Variants in GRB10 observed in about 807,000 individuals in gnomAD.
GRB10 encodes the protein growth factor receptor bound protein 10.
GRB10 carries 20 observed loss-of-function variants against 80.9 expected under a neutral mutation model. That is an observed-to-expected ratio of 0.25 (90% confidence interval 0.17 to 0.36). GRB10 has a LOEUF of 0.36. Ranked by LOEUF, GRB10 falls within the 10% of genes least tolerant of loss-of-function variation. GRB10 has a pLI of 1.00. For missense variants in GRB10, 548 were observed against 747.7 expected, an observed-to-expected ratio of 0.73 and a Z score of 3.12; for synonymous variants, 291 against 291.5, an observed-to-expected ratio of 1.00 and a Z score of 0.02.
At chr7:50,723,742 G>A (rs2068127343) in intron 4 of GRB10, among the ~76,000 whole-genome samples, 1 of 152,198 alleles carries the variant, frequency 6.6e-6, no homozygotes, top group Admixed American at 6.5e-5. Context: ...GCGGTACTGG[G>A]ATTCAAACCT....
chr7:50,646,007 C>T (rs957610631), intron 7 of GRB10, among the ~76,000 whole-genome samples: 3 of 152,154 alleles, frequency 2.0e-5, no homozygotes, highest in African/African-American at 7.2e-5. Flanking sequence ...CTTATAAATA[C>T]ATAAAACTTC....
At chr7:50,616,953 G>A (rs751998139) in intron 10 of GRB10, among the ~76,000 whole-genome samples, 3 of 152,264 alleles carry the variant, frequency 2.0e-5, no homozygotes, top group Non-Finnish European at 2.9e-5. Flanking sequence ...ATGCTGGCAG[G>A]TCCTGCTACT....
chr7:50,710,108 C>T (rs1044420013), intron 4 of GRB10, among the ~76,000 whole-genome samples: 4 of 152,130 alleles, frequency 2.6e-5, no homozygotes, highest in East Asian at 1.9e-4. Context: ...ACAACCCCAA[C>T]GAAAAGTCTA....
At chr7:50,632,318 G>A (rs2054148769) in intron 7 of GRB10, among the ~76,000 whole-genome samples, 1 of 152,158 alleles carries the variant, frequency 6.6e-6, no homozygotes, top group Non-Finnish European at 1.5e-5. Flanking sequence ...AGCCTGCATT[G>A]TCCCACCTGA....
chr7:50,684,345 T>C (rs2153652302), intron 5 of GRB10, among the ~76,000 whole-genome samples: 1 of 146,524 alleles, frequency 6.8e-6, no homozygotes, highest in South Asian at 2.2e-4. Context: ...TTTTTTTTAA[T>C]TGTGGTTTAG....
intron 3 of GRB10, among the ~76,000 whole-genome samples, chr7:50,749,607 T>C (rs1306509700): frequency 2.6e-5 from 4 of 152,218 alleles, no homozygotes; most frequent in African/African-American, 9.7e-5. Context: ...TTGTGGAATT[T>C]GTCATTTTCA....
intron 3 of GRB10, among the ~76,000 whole-genome samples, chr7:50,740,216 T>C (rs1285688476): frequency 6.6e-6 from 1 of 152,234 alleles, no homozygotes; most frequent in African/African-American, 2.4e-5. Context: ...CAGTCGCATG[T>C]CTGCCACACC....
chr7:50,626,998 T>G lies in GRB10; in HGVS notation c.505-20A>C, dbSNP rs899830860. On this transcript the variant is annotated intron_variant, in intron 7 of 18. Coordinates refer to ENST00000401949, the MANE Select transcript of GRB10 (RefSeq NM_001350814.2). Reference sequence around the variant, plus strand: ...AACATCCTGCAACACACAAAGGGGATAGTTACAGATAAACAACTTCGGGCT... The same window carrying G: ...AACATCCTGCAACACACAAAGGGGAGAGTTACAGATAAACAACTTCGGGCT... 3 of 1,613,218 alleles carry G rather than the reference T, an allele frequency of 1.9e-6. No homozygotes were observed. The highest frequency in any genetic ancestry group is 2.5e-6 in the Non-Finnish European group (3 of 1,179,308).
At chr7:50,735,877 C>A (rs1378738503) in intron 3 of GRB10, among the ~76,000 whole-genome samples, 1 of 151,504 alleles carries the variant, frequency 6.6e-6, no homozygotes, top group Non-Finnish European at 1.5e-5. Context: ...GGAAAAAAAA[C>A]AAAACAGAAC....
At chr7:50,611,466 T>C (rs1045282291) in intron 13 of GRB10, among the ~76,000 whole-genome samples, 6 of 152,268 alleles carry the variant, frequency 3.9e-5, no homozygotes, top group Non-Finnish European at 5.9e-5. Context: ...CATTATGAAT[T>C]TGTAAAGTTT....
Position 50,669,708 on chromosome 7 carries a change from AG to A in GRB10, c.504+13del. On this transcript the variant is annotated intron_variant, in intron 7 of 18. Coordinates refer to ENST00000401949, the MANE Select transcript of GRB10 (RefSeq NM_001350814.2). ...ATATCCCTCAGCCTGGGCTCCAGCC[AG>A]GGGCACACTCACCTGCTTTGCGGCG... 1.2e-6 allele frequency: 2 copies of A among 1,611,776 alleles called. No homozygotes were observed. Among genetic ancestry groups the A allele is most frequent in the Non-Finnish European group, 8.5e-7 (1 of 1,179,460 alleles).
intron 3 of GRB10, among the ~76,000 whole-genome samples, chr7:50,736,653 G>A (rs766262549): frequency 3.3e-5 from 5 of 152,104 alleles, no homozygotes; most frequent in Non-Finnish European, 5.9e-5. Context: ...GCATGGTCAC[G>A]TGCACTGTAG....
intron 7 of GRB10, among the ~76,000 whole-genome samples, chr7:50,665,864 G>A (rs913130975): frequency 2.0e-5 from 3 of 152,134 alleles, no homozygotes; most frequent in African/African-American, 7.2e-5. Flanking sequence ...CCTTTGCGCC[G>A]GTGTACGTCT....
chr7:50,664,754 C>T (rs1028140591), intron 7 of GRB10, among the ~76,000 whole-genome samples: 1 of 152,164 alleles, frequency 6.6e-6, no homozygotes, highest in Non-Finnish European at 1.5e-5. Context: ...CCTCTCCGGC[C>T]GGAGCATGGT....
At chr7:50,769,091 T>A (rs942265151) in intron 2 of GRB10, among the ~76,000 whole-genome samples, 4 of 152,162 alleles carry the variant, frequency 2.6e-5, no homozygotes, top group Admixed American at 6.5e-5. Flanking sequence ...CTACTCCCCA[T>A]GAGAATGGAG....
rs79828696 is a variant in GRB10, at chr7:50,688,463, T to C, written c.140-13805A>G. 6.4e-3 allele frequency among the ~76,000 whole-genome samples: 981 copies of C among 152,204 alleles called. 17 individuals carry two copies. Among genetic ancestry groups the C allele is most frequent in the African/African-American group, 0.023 (946 of 41,518 alleles). On this transcript the variant is annotated intron_variant, in intron 5 of 18. Coordinates refer to ENST00000401949, the MANE Select transcript of GRB10 (RefSeq NM_001350814.2). Reference sequence around the variant, plus strand: ...TGTCATCTTTGTCAGGACCAAAGAATGAGAGAAACTTAAACACTCAAAAGA... The same window carrying C: ...TGTCATCTTTGTCAGGACCAAAGAACGAGAGAAACTTAAACACTCAAAAGA...
intron 13 of GRB10, 41 bp downstream of exon 13, chr7:50,612,700 A>T: frequency 7.2e-7 from 1 of 1,388,948 alleles, no homozygotes; most frequent in Non-Finnish European, 1.0e-6. Context: ...ATTTTCCACG[A>T]AGAGATGTGC....
At chr7:50,789,340 G>A (rs551120907) in intron 1 of GRB10, among the ~76,000 whole-genome samples, 61 of 152,286 alleles carry the variant, frequency 4.0e-4, no homozygotes, top group Middle Eastern at 3.4e-3. Flanking sequence ...TACAGACATC[G>A]CCACAAAGAC....
At position 50,595,443 on chromosome 7, in the gene GRB10, G is replaced by A. The variant is rs957203975; in HGVS notation, c.1632C>T (p.Ile544=). Residue 544 remains isoleucine (I), a synonymous_variant, in exon 18 of 19, where the codon ATC becomes ATT. Coordinates refer to ENST00000401949, the MANE Select transcript of GRB10 (RefSeq NM_001350814.2). Reference sequence around the variant, plus strand: ...TGAGAACATCAATACTTACAGGTAAGATCTGGAAATTTTTAATTTTCTGGT... The same window carrying A: ...TGAGAACATCAATACTTACAGGTAAAATCTGGAAATTTTTAATTTTCTGGT... The part of the protein sequence containing the change: ...CHHQKIKNFQ[I]LPCEDDGQTF... 2 of 1,540,224 alleles carry A rather than the reference G, an allele frequency of 1.3e-6. No individual in the cohort carries two copies. The highest frequency in any genetic ancestry group is 1.4e-5 in the African/African-American group (1 of 73,486).
Sources: allele counts gnomAD v4.1 joint callset (sites outside exome capture counted in the v4.1 genomes callset), GRCh38; gene constraint gnomAD v4.1.1; transcripts MANE v1.5; gene names NCBI Gene and HGNC (gene_info 2026-07-23, HGNC 2026-07-21).